Variants in USP12 observed in about 807,000 individuals in gnomAD.
The protein encoded by USP12 is ubiquitin carboxyl-terminal hydrolase 12.
A neutral mutation model predicts 45.5 loss-of-function variants in USP12; 19 were observed. The observed-to-expected ratio is 0.42, with a 90% CI of 0.29 to 0.61. The LOEUF (loss-of-function observed/expected upper bound fraction) is 0.61. Among genes scored for constraint, USP12 ranks in the 20% least tolerant of loss-of-function variants. The pLI is 0.22. For synonymous variants in USP12, 149 were observed against 148.8 expected, an observed-to-expected ratio of 1.00 and a Z score of -0.01; for missense variants, 242 against 447.7, an observed-to-expected ratio of 0.54 and a Z score of 4.15.
At chr13:27,156,608 A>G (rs1877854686) in intron 1 of USP12, among the ~76,000 whole-genome samples, 1 of 152,240 alleles carries the variant, frequency 6.6e-6, no homozygotes, top group Non-Finnish European at 1.5e-5. Context: ...ACCTGAGGTC[A>G]GAAGTTTGAG....
chr13:27,170,083 C>G, intron 1 of USP12: 1 of 377,758 alleles, frequency 2.6e-6, no homozygotes. Context: ...AATAATTAGC[C>G]CAAACAATTC....
chr13:27,107,239 C>G (rs1188743821), intron 2 of USP12, among the ~76,000 whole-genome samples: 1 of 152,118 alleles, frequency 6.6e-6, no homozygotes, highest in Non-Finnish European at 1.5e-5. Flanking sequence ...GTATGAGAAT[C>G]GCTTGAACCT....
intron 1 of USP12, among the ~76,000 whole-genome samples, chr13:27,119,174 A>G (rs965920143): frequency 1.3e-5 from 2 of 152,360 alleles, no homozygotes; most frequent in South Asian, 4.1e-4. Context: ...TCACAGTAAT[A>G]CATCTTTTCT....
intron 1 of USP12, among the ~76,000 whole-genome samples, chr13:27,135,220 T>C (rs1328534509): frequency 2.0e-5 from 3 of 152,024 alleles, no homozygotes; most frequent in Admixed American, 6.6e-5. Flanking sequence ...AAGGCAGAGG[T>C]TGCAGTGAGC....
intron 6 of USP12, among the ~76,000 whole-genome samples, chr13:27,075,785 T>C (rs927652219): frequency 9.9e-5 from 15 of 151,990 alleles, no homozygotes; most frequent in African/African-American, 3.6e-4. Context: ...ATCCCAACAC[T>C]TTGGGAGGCC....
At chr13:27,167,270 AAAT>A in intron 1 of USP12, among the ~76,000 whole-genome samples, 1 of 146,318 alleles carries the variant, frequency 6.8e-6, no homozygotes, top group African/African-American at 2.5e-5. Context: ...CTCAAAAAAA[AAAT>A]AAAATAAATA....
chr13:27,114,289 ACTCT>A (rs201763509), intron 2 of USP12, among the ~76,000 whole-genome samples: 523 of 152,280 alleles, frequency 3.4e-3, no homozygotes, highest in African/African-American at 0.012. Flanking sequence ...GGTTTAAATC[ACTCT>A]CTATCAGCTC....
chr13:27,090,682 T>A (rs1306237944), intron 4 of USP12, among the ~76,000 whole-genome samples: 3 of 152,232 alleles, frequency 2.0e-5, no homozygotes, highest in Non-Finnish European at 4.4e-5. Context: ...CTTGCTCATG[T>A]GAACTGGAAT....
intron 7 of USP12, among the ~76,000 whole-genome samples, chr13:27,072,301 G>A (rs1239538931): frequency 6.6e-6 from 1 of 152,078 alleles, no homozygotes; most frequent in Non-Finnish European, 1.5e-5. Flanking sequence ...AACACAGGGT[G>A]GAAGGAAAGG....
chr13:27,088,026 T>C (rs757996503), intron 6 of USP12, among the ~76,000 whole-genome samples: 2 of 152,186 alleles, frequency 1.3e-5, no homozygotes, highest in Non-Finnish European at 2.9e-5. Flanking sequence ...AAGAACTCTG[T>C]AAAACATCTG....
chr13:27,068,918 T>G lies in USP12; in HGVS notation c.*365A>C. The G allele has an allele frequency of 3.5e-6, 1 of 286,774 alleles. No homozygotes were observed. The highest frequency in any genetic ancestry group is 4.1e-5 in the South Asian group (1 of 24,292). The allele number at this position is 286,774 out of a possible 1,614,324, so 17.8% of individuals were successfully genotyped here. A position where few individuals can be genotyped will look rare whatever the true frequency, so the allele number is the denominator to read the frequency against. ...GTGTTCAACATCATCTCCTTATCAA[T>G]ACGGCACAGATTCCGATTCTTTCTA... On this transcript the variant is annotated 3_prime_UTR_variant, in exon 9 of 9. Coordinates refer to ENST00000282344, the MANE Select transcript of USP12 (RefSeq NM_182488.4).
chr13:27,071,239 A>G (rs1473992327), intron 7 of USP12, 90 bp from the exon 8 acceptor site: 1 of 1,133,718 alleles, frequency 8.8e-7, no homozygotes. Flanking sequence ...AAACAGAAAC[A>G]GATAAATAGC....
intron 3 of USP12, among the ~76,000 whole-genome samples, chr13:27,102,011 T>TGAACG (rs1555234355): frequency 1.6e-3 from 247 of 151,742 alleles, no homozygotes; most frequent in African/African-American, 3.5e-3. Flanking sequence ...TCCCATTTTT[T>TGAACG]AATGAATGAA....
chr13:27,095,052 G>A (rs1366726202), intron 4 of USP12, among the ~76,000 whole-genome samples: 1 of 152,156 alleles, frequency 6.6e-6, no homozygotes, highest in Non-Finnish European at 1.5e-5. Flanking sequence ...CTACTTATGA[G>A]GCTTAGATGG....
chr13:27,069,459 A>C, intron 8 of USP12, 75 bp from the exon 9 acceptor site: 1 of 1,131,606 alleles, frequency 8.8e-7, no homozygotes, highest in South Asian at 1.3e-5. Context: ...TAAAAGACTG[A>C]CAATACCAAG....
chr13:27,085,877 T>C (rs1027046243), intron 6 of USP12, among the ~76,000 whole-genome samples: 1 of 152,002 alleles, frequency 6.6e-6, no homozygotes, highest in African/African-American at 2.4e-5. Flanking sequence ...AAAAAAAATA[T>C]ACTATGCAGC....
At chr13:27,130,307 C>G (rs1876433947) in intron 1 of USP12, among the ~76,000 whole-genome samples, 1 of 152,082 alleles carries the variant, frequency 6.6e-6, no homozygotes, top group Non-Finnish European at 1.5e-5. Context: ...GGATGGGGAT[C>G]CAGACATTAT....
chr13:27,151,383 T>A (rs1877561798), intron 1 of USP12, among the ~76,000 whole-genome samples: 1 of 152,072 alleles, frequency 6.6e-6, no homozygotes, highest in Admixed American at 6.6e-5. Context: ...ATTTTGTGCT[T>A]CAAATGGCAC....
intron 1 of USP12, among the ~76,000 whole-genome samples, chr13:27,166,119 T>C (rs1235818789): frequency 2.0e-5 from 3 of 152,170 alleles, no homozygotes; most frequent in African/African-American, 4.8e-5. Context: ...TTTAAGAAAC[T>C]TTCCCATATA....
Sources: gnomAD v4.1 joint callset for allele counts (sites outside exome capture counted in the v4.1 genomes callset) on GRCh38, gnomAD v4.1.1 for gene constraint, MANE v1.5 for transcripts, NCBI Gene and HGNC (gene_info 2026-07-23, HGNC 2026-07-21) for gene names.